Variants in LRP1B observed in about 807,000 individuals in gnomAD.
LRP1B encodes the protein LDL receptor related protein 1B.
A neutral mutation model predicts 556.6 loss-of-function variants in LRP1B; 217 were observed. The ratio of observed to expected loss-of-function variants is 0.39; its 90% CI spans 0.35 to 0.44. LRP1B has a LOEUF of 0.44. Ranked by LOEUF, LRP1B falls within the 20% of genes least tolerant of loss-of-function variation. The probability of loss-of-function intolerance (pLI) is 1.00; values close to 1 mark genes in which losing one functional copy is unlikely to be tolerated. For missense variants in LRP1B, 5,053 were observed against 5,620.8 expected (o/e 0.90, Z 3.23); for synonymous variants, 2,047 against 1,865.8 (o/e 1.10, Z -2.50).
At chr2:141,495,742 A>G (rs1348770986) in intron 2 of LRP1B, among the ~76,000 whole-genome samples, 2 of 152,036 alleles carry the variant, frequency 1.3e-5, no homozygotes, top group African/African-American at 2.4e-5. Flanking sequence ...CACATACACG[A>G]ACAATAATTT....
intron 21 of LRP1B, among the ~76,000 whole-genome samples, chr2:140,914,989 T>C (rs1694532707): frequency 6.6e-6 from 1 of 152,174 alleles, no homozygotes; most frequent in East Asian, 1.9e-4. Context: ...GTTTAGTAAC[T>C]TATCTGCACT....
chr2:141,460,776 A>G (rs1251075734), intron 3 of LRP1B, among the ~76,000 whole-genome samples: 1 of 152,148 alleles, frequency 6.6e-6, no homozygotes, highest in African/African-American at 2.4e-5. Flanking sequence ...AGCTAATAAT[A>G]TATCCTGAAG....
chr2:141,146,561 G>C (rs1701789059), intron 7 of LRP1B, among the ~76,000 whole-genome samples: 1 of 152,076 alleles, frequency 6.6e-6, no homozygotes, highest in African/African-American at 2.4e-5. Flanking sequence ...ATGTATCAAG[G>C]GAGTGATTAG....
At position 140,442,733 on chromosome 2, in the gene LRP1B, TTTAAA is replaced by T. The variant is rs368829168; in HGVS notation, c.10295-115_10295-111del. ...ACAGTTTATCGAAAAATGTATTGTC[TTTAAA>T]TTAATAGGACTCTGAAGGTGAGGAA... On this transcript the variant is annotated intron_variant, in intron 65 of 90. Transcript: ENST00000389484. The T allele has an allele frequency of 7.8e-4, 803 of 1,035,970 alleles. 2 individuals are homozygous for T. In the African/African-American group the frequency reaches 0.011, roughly 14 times the overall value. 64.2% of individuals were successfully genotyped at this position (1,035,970 alleles called of 1,614,324 possible).
intron 31 of LRP1B, among the ~76,000 whole-genome samples, chr2:140,837,043 T>A (rs1313856685): frequency 2.0e-5 from 3 of 152,238 alleles, no homozygotes; most frequent in Non-Finnish European, 2.9e-5. Flanking sequence ...TTCACTAAAC[T>A]CACTTAGAGT....
chr2:141,646,126 A>T (rs1479249603), intron 2 of LRP1B, among the ~76,000 whole-genome samples: 1 of 152,162 alleles, frequency 6.6e-6, no homozygotes. Flanking sequence ...TTCTTCTCCC[A>T]GTTCCTATTT....
chr2:140,986,366 A>C (rs1027790429), intron 17 of LRP1B, among the ~76,000 whole-genome samples: 4 of 152,134 alleles, frequency 2.6e-5, no homozygotes, highest in Non-Finnish European at 4.4e-5. Context: ...GATTATCAAC[A>C]TAGAAATAGA....
chr2:140,522,429 A>G (rs1405509295), intron 49 of LRP1B, among the ~76,000 whole-genome samples: 1 of 151,964 alleles, frequency 6.6e-6, no homozygotes, highest in African/African-American at 2.4e-5. Flanking sequence ...CAAAAACAGT[A>G]TTAAAAGGAA....
chr2:140,888,482 C>T (rs1351126613), intron 23 of LRP1B, among the ~76,000 whole-genome samples: 8 of 150,920 alleles, frequency 5.3e-5, no homozygotes, highest in African/African-American at 1.9e-4. Context: ...CTATGGCAGA[C>T]TTGATTTTAT....
intron 3 of LRP1B, among the ~76,000 whole-genome samples, chr2:141,304,511 GT>G (rs1686515175): frequency 1.8e-5 from 2 of 114,284 alleles, no homozygotes; most frequent in Non-Finnish European, 3.3e-5. Flanking sequence ...ATGGAGTCTC[GT>G]TCTGCCACCC....
rs867360214 is a variant in LRP1B, at chr2:141,474,235, G to C, written c.343+6161C>G. Reference sequence around the variant, plus strand: ...TTCTGGAAAATAAAAAAAAAATGGAGTTCTGTAAAACCTCTAGGTTAATTT... The same window carrying C: ...TTCTGGAAAATAAAAAAAAAATGGACTTCTGTAAAACCTCTAGGTTAATTT... On this transcript the variant is annotated intron_variant, in intron 3 of 90. Transcript: ENST00000389484. 4.0e-5 allele frequency among the ~76,000 whole-genome samples: 6 copies of C among 150,624 alleles called. No individual in the cohort carries two copies. In the South Asian group the frequency reaches 6.2e-4, roughly 16 times the overall value.
chr2:141,448,047 G>A (rs944745808), intron 3 of LRP1B, among the ~76,000 whole-genome samples: 17 of 152,282 alleles, frequency 1.1e-4, no homozygotes, highest in African/African-American at 4.1e-4. Flanking sequence ...TCTGTCCCAG[G>A]GAGATGGGAG....
At chr2:140,725,402 A>G (rs1687557746) in intron 35 of LRP1B, among the ~76,000 whole-genome samples, 1 of 152,024 alleles carries the variant, frequency 6.6e-6, no homozygotes. Context: ...CATGAAATAC[A>G]AACAGTGAAA....
At chr2:140,958,431 C>A (rs1363236671) in intron 18 of LRP1B, among the ~76,000 whole-genome samples, 1 of 151,520 alleles carries the variant, frequency 6.6e-6, no homozygotes, top group Non-Finnish European at 1.5e-5. Flanking sequence ...ACCGCATGAA[C>A]AAGTTAAATT....
At chr2:140,528,198 T>C (rs1227077442) in intron 47 of LRP1B, among the ~76,000 whole-genome samples, 2 of 151,930 alleles carry the variant, frequency 1.3e-5, no homozygotes, top group South Asian at 2.1e-4. Flanking sequence ...TTTCACGTAA[T>C]AGCGTTTTAA....
chr2:141,659,165 A>G (rs1574206201), intron 2 of LRP1B, among the ~76,000 whole-genome samples: 1 of 152,228 alleles, frequency 6.6e-6, no homozygotes, highest in East Asian at 1.9e-4. Flanking sequence ...CGGCCTCCCA[A>G]AGTGCTAAAA....
intron 2 of LRP1B, among the ~76,000 whole-genome samples, chr2:141,571,728 G>A (rs1686537105): frequency 6.6e-6 from 1 of 151,348 alleles, no homozygotes; most frequent in African/African-American, 2.4e-5. Flanking sequence ...GTTTAGAGAG[G>A]AACATAAACG....
chr2:141,888,999 A>G (rs1699204535), intron 1 of LRP1B, among the ~76,000 whole-genome samples: 1 of 152,152 alleles, frequency 6.6e-6, no homozygotes, highest in African/African-American at 2.4e-5. Flanking sequence ...CCTGAAAAGC[A>G]CTACAAAAAC....
At chr2:141,583,906 A>ATTTTTTTTTTTTTT (rs113916906) in intron 2 of LRP1B, among the ~76,000 whole-genome samples, 3 of 145,482 alleles carry the variant, frequency 2.1e-5, no homozygotes, top group African/African-American at 7.6e-5. Context: ...TGCCCGGCTA[A>ATTTTTTTTTTTTTT]TTTTTTTTTT....
Sources: gnomAD v4.1 joint callset for allele counts (sites outside exome capture counted in the v4.1 genomes callset) on GRCh38, gnomAD v4.1.1 for gene constraint, MANE v1.5 for transcripts, NCBI Gene and HGNC (gene_info 2026-07-23, HGNC 2026-07-21) for gene names.